PDE1C: variants seen among roughly 807,000 people sequenced by gnomAD.
PDE1C encodes the protein dual specificity calcium/calmodulin-dependent 3',5'-cyclic nucleotide phosphodiesterase 1C.
Under a neutral mutation model 93.1 loss-of-function variants are expected in PDE1C, and 62 were observed. The observed-to-expected ratio is 0.67, with a 90% CI of 0.54 to 0.82. PDE1C has a LOEUF of 0.82. PDE1C is among the 40% of genes least tolerant of loss of function. PDE1C has a pLI of 0.00. For synonymous variants in PDE1C, 325 were observed against 310.1 expected, an observed-to-expected ratio of 1.05 and a Z score of -0.50; for missense variants, 742 against 884.6, an observed-to-expected ratio of 0.84 and a Z score of 2.04.
At chr7:31,640,202 A>G in the PDE1C span, among the ~76,000 whole-genome samples, 1 of 152,154 alleles carries the variant, frequency 6.6e-6, no homozygotes, top group Non-Finnish European at 1.5e-5. Flanking sequence ...CTACCCCTCA[A>G]TGTCCTGTGA....
the PDE1C span, among the ~76,000 whole-genome samples, chr7:31,714,446 C>A: frequency 6.6e-6 from 1 of 152,216 alleles, no homozygotes; most frequent in African/African-American, 2.4e-5. Context: ...TTCTTCTGAG[C>A]CCTCCAAACT....
At chr7:31,840,171 G>A (rs1159392047) in intron 9 of PDE1C, among the ~76,000 whole-genome samples, 2 of 152,120 alleles carry the variant, frequency 1.3e-5, no homozygotes, top group East Asian at 3.9e-4. Context: ...CCATTCTTCT[G>A]ATGGATATGT....
chr7:31,877,325 G>A (rs549339277), intron 5 of PDE1C, among the ~76,000 whole-genome samples: 1 of 152,228 alleles, frequency 6.6e-6, no homozygotes, highest in African/African-American at 2.4e-5. Flanking sequence ...CTGACTAGAG[G>A]TAATTCTGCA....
intron 1 of PDE1C, among the ~76,000 whole-genome samples, chr7:32,068,973 G>C (rs1003483393): frequency 6.6e-6 from 1 of 152,204 alleles, no homozygotes; most frequent in African/African-American, 2.4e-5. Flanking sequence ...GAGCTGCTGC[G>C]TTGCAGGCAT....
At chr7:32,012,355 ATGTGAACTCACTGAG>A (rs1304013459) in intron 2 of PDE1C, among the ~76,000 whole-genome samples, 1 of 152,130 alleles carries the variant, frequency 6.6e-6, no homozygotes, top group African/African-American at 2.4e-5. Flanking sequence ...ACCCAATCAT[ATGTGAACTCACTGAG>A]TGAGAACTCA....
At chr7:32,199,529 T>C (rs1350158917) in intron 2 of PDE1C, among the ~76,000 whole-genome samples, 5 of 152,194 alleles carry the variant, frequency 3.3e-5, no homozygotes, top group Admixed American at 6.5e-5. Flanking sequence ...TTTCTTCTGG[T>C]TCATTATCTC....
intron 1 of PDE1C, among the ~76,000 whole-genome samples, chr7:32,309,971 T>TGTTTA (rs1451605081): frequency 1.3e-5 from 2 of 151,986 alleles, no homozygotes; most frequent in Non-Finnish European, 2.9e-5. Flanking sequence ...GGATAAAGAG[T>TGTTTA]TAAGACCCAT....
intron 17 of PDE1C, among the ~76,000 whole-genome samples, chr7:31,764,584 G>C (rs946048431): frequency 6.6e-6 from 1 of 152,164 alleles, no homozygotes; most frequent in Non-Finnish European, 1.5e-5. Context: ...TTAGAAAACT[G>C]TCAAGGACAC....
chr7:31,838,471 G>A (rs913033980), intron 9 of PDE1C, among the ~76,000 whole-genome samples: 16 of 152,096 alleles, frequency 1.1e-4, no homozygotes, highest in Admixed American at 5.9e-4. Flanking sequence ...TATTTTTAAA[G>A]TCTTGTGTTA....
chr7:31,824,089 T>C (rs1025382682), intron 13 of PDE1C, among the ~76,000 whole-genome samples: 3 of 152,126 alleles, frequency 2.0e-5, no homozygotes, highest in Admixed American at 6.5e-5. Context: ...TCTTTACTCC[T>C]TTTCCTGCTC....
intron 1 of PDE1C, among the ~76,000 whole-genome samples, chr7:32,231,285 CT>C (rs1357065636): frequency 1.3e-5 from 2 of 152,110 alleles, no homozygotes; most frequent in Non-Finnish European, 2.9e-5. Flanking sequence ...CTTAGAGTAA[CT>C]GAGAGCACAG....
chr7:31,718,443 G>A, the PDE1C span, among the ~76,000 whole-genome samples: 111 of 152,264 alleles, frequency 7.3e-4, no homozygotes, highest in Admixed American at 1.2e-3. Flanking sequence ...CTCTCTGGAC[G>A]TAAGAATTTA....
chr7:31,860,256 C>A (rs753320896), intron 7 of PDE1C, among the ~76,000 whole-genome samples: 3 of 152,130 alleles, frequency 2.0e-5, no homozygotes, highest in Non-Finnish European at 4.4e-5. Flanking sequence ...GTTGTCATAA[C>A]TGGAGTGGGG....
chr7:31,828,252 C>A, intron 12 of PDE1C, 40 bp downstream of exon 12: 1 of 1,535,276 alleles, frequency 6.5e-7, no homozygotes, highest in Non-Finnish European at 9.0e-7. Context: ...TACAGGCTTC[C>A]TGCTTTGGTG....
intron 2 of PDE1C, among the ~76,000 whole-genome samples, chr7:32,198,859 T>C (rs1387399418): frequency 6.6e-6 from 1 of 152,118 alleles, no homozygotes; most frequent in East Asian, 1.9e-4. Flanking sequence ...GGTTCATGCC[T>C]ATAACCCAGC....
chr7:32,233,632 T>C (rs899645923), intron 1 of PDE1C, among the ~76,000 whole-genome samples: 2 of 151,920 alleles, frequency 1.3e-5, no homozygotes, highest in African/African-American at 2.4e-5. Flanking sequence ...CACAAAGAAG[T>C]TAAAACAGCC....
At chr7:31,896,860 C>T (rs1157990202) in intron 2 of PDE1C, among the ~76,000 whole-genome samples, 2 of 152,260 alleles carry the variant, frequency 1.3e-5, no homozygotes, top group South Asian at 2.1e-4. Context: ...AATAATTAAA[C>T]GACCTTGTTA....
the PDE1C span, among the ~76,000 whole-genome samples, chr7:31,705,593 T>C: frequency 6.6e-6 from 1 of 152,210 alleles, no homozygotes; most frequent in Non-Finnish European, 1.5e-5. Context: ...AACTAGGAAC[T>C]GAAACAAATG....
intron 17 of PDE1C, among the ~76,000 whole-genome samples, chr7:31,758,547 G>T (rs1193423493): frequency 6.6e-6 from 1 of 152,112 alleles, no homozygotes; most frequent in African/African-American, 2.4e-5. Context: ...AATAAAAAGT[G>T]TTCAGGTATA....
Sources: gnomAD v4.1 joint callset for allele counts (sites outside exome capture counted in the v4.1 genomes callset) on GRCh38, gnomAD v4.1.1 for gene constraint, MANE v1.5 for transcripts, NCBI Gene and HGNC (gene_info 2026-07-23, HGNC 2026-07-21) for gene names.